ASXL3: variants seen among roughly 807,000 people sequenced by gnomAD.
ASXL3 encodes ASXL transcriptional regulator 3.
In ASXL3, 34 loss-of-function variants were observed where a neutral mutation model predicts 170.6. That is an observed-to-expected ratio of 0.20 (90% CI 0.15 to 0.27). The LOEUF (loss-of-function observed/expected upper bound fraction) is 0.27, where lower values mean the gene tolerates loss of function less well. Among genes scored for constraint, ASXL3 ranks in the 10% least tolerant of loss-of-function variants. The probability of loss-of-function intolerance (pLI) is 1.00; values close to 1 mark genes in which losing one functional copy is unlikely to be tolerated. For synonymous variants in ASXL3, 1,002 were observed against 989.1 expected, an observed-to-expected ratio of 1.01 and a Z score of -0.24; for missense variants, 2,592 against 2,695.3, an observed-to-expected ratio of 0.96 and a Z score of 0.85.
chr18:33,713,247 T>G (rs2067103898), intron 8 of ASXL3, among the ~76,000 whole-genome samples: 1 of 72,210 alleles, frequency 1.4e-5, no homozygotes, highest in Non-Finnish European at 2.5e-5. Flanking sequence ...TGTTTTGTTT[T>G]GTTTTTTTTT....
chr18:33,645,030 A>G, intron 3 of ASXL3, 28 bp downstream of exon 3: 1 of 1,413,350 alleles, frequency 7.1e-7, no homozygotes, highest in Non-Finnish European at 9.7e-7. Context: ...GCATATTGTT[A>G]TTACTATTAT....
At chr18:33,647,797 T>C (rs2065937505) in intron 4 of ASXL3, among the ~76,000 whole-genome samples, 2 of 152,026 alleles carry the variant, frequency 1.3e-5, no homozygotes, top group East Asian at 1.9e-4. Context: ...ATAAGCAAAA[T>C]AAATATCTAA....
rs145786961 is a variant in ASXL3, at chr18:33,597,380, G to A, written c.55-10214G>A. 2.2e-4 allele frequency among the ~76,000 whole-genome samples: 34 copies of A among 152,130 alleles called. No individual in the cohort carries two copies. The East Asian group carries it at 6.2e-3, about 28-fold the overall frequency. On this transcript the variant is annotated intron_variant, in intron 1 of 11. Transcript: ENST00000269197. ...TTCTCATGGACATCCTCCCATGTCA[G>A]TACATATTTTCTTATTTCTTACCTT...
chr18:33,664,828 A>T (rs2066232824), intron 5 of ASXL3, among the ~76,000 whole-genome samples: 1 of 152,196 alleles, frequency 6.6e-6, no homozygotes, highest in Non-Finnish European at 1.5e-5. Context: ...TTGACGATTG[A>T]CATGGAATAT....
chr18:33,738,665 A>G lies in ASXL3; in HGVS notation c.1261A>G (p.Thr421Ala). ...PASPEPGFCA[T>A]LCPMVEIPPK... ...TTCTCCAGAGCCTGGTTTCTGTGCT[A>G]CTCTTTGCCCTATGGTAGAAATTCC... The change falls in exon 11 of 12, where the codon ACT becomes GCT. Residue 421 changes from threonine to alanine, a missense_variant. By Grantham distance (58) the Thr-to-Ala change is moderately conservative. Coordinates refer to ENST00000269197, the MANE Select transcript of ASXL3 (RefSeq NM_030632.3). 1 of 1,613,874 alleles carries G rather than the reference A, an allele frequency of 6.2e-7. No individual in the cohort carries two copies. Among genetic ancestry groups the G allele is most frequent in the Non-Finnish European group, 8.5e-7 (1 of 1,179,852 alleles).
rs184004504 is a variant in ASXL3 at position 33,647,182 on chromosome 18, C to T, written c.355+829C>T. On this transcript the variant is annotated intron_variant, in intron 4 of 11. Coordinates refer to ENST00000269197, the MANE Select transcript of ASXL3 (RefSeq NM_030632.3). ...GGATGTTTGCAGAAATATTGTATTT[C>T]AGTAATAACCCAAAGTCATTCATTT... Among the ~76,000 whole-genome samples the T allele has an allele frequency of 1.1e-4, 16 of 152,098 alleles. No individual in the cohort carries two copies. The East Asian group carries it at 2.3e-3, about 22-fold the overall frequency.
intron 8 of ASXL3, among the ~76,000 whole-genome samples, chr18:33,727,474 A>G (rs2067370948): frequency 6.6e-6 from 1 of 152,152 alleles, no homozygotes; most frequent in Non-Finnish European, 1.5e-5. Context: ...CCAAAGACAA[A>G]TGATATACTT....
chr18:33,708,650 C>G (rs73955183), intron 8 of ASXL3, among the ~76,000 whole-genome samples: 3,356 of 152,222 alleles, frequency 0.022, 62 homozygotes, highest in South Asian at 0.1. Flanking sequence ...CCTCTACCTA[C>G]TAGACATAAC....
intron 5 of ASXL3, among the ~76,000 whole-genome samples, chr18:33,664,471 C>A (rs368611281): frequency 6.6e-6 from 1 of 152,156 alleles, no homozygotes; most frequent in African/African-American, 2.4e-5. Flanking sequence ...ATAACACACA[C>A]TCAAATATAT....
In ASXL3 at chr18:33,745,787, C is replaced by T. The variant is rs755298413; in HGVS notation, c.5939C>T (p.Ala1980Val). ...TTGGGAGAGGTTAGTCTTTCCTCAG[C>T]ACCTCACCAGCTAAGGTTAGCCAAC... Reference protein sequence around the residue: ...KGLGEVSLSSAPHQLRLANML... With the variant: ...KGLGEVSLSSVPHQLRLANML... The change falls in exon 12 of 12, where the codon GCA becomes GTA. Residue 1980 changes from alanine (A) to valine (V), a missense_variant. Physicochemically the swap from Ala to Val is moderately conservative, Grantham distance 64. This residue lies in a region of ASXL3 where 2,246 missense variants were observed against 2,219.6 expected (regional missense o/e 1.01). Transcript: ENST00000269197. The T allele has an allele frequency of 4.3e-6, 7 of 1,613,860 alleles. No individual in the cohort carries two copies. The highest frequency in any genetic ancestry group is 4.0e-5 in the African/African-American group (3 of 74,906).
At chr18:33,638,833 A>G (rs1489089892) in intron 2 of ASXL3, among the ~76,000 whole-genome samples, 2 of 152,062 alleles carry the variant, frequency 1.3e-5, no homozygotes, top group Admixed American at 1.3e-4. Context: ...GATGCTCAAT[A>G]AATGGTAGCT....
At chr18:33,706,664 A>AT (rs886450617) in intron 8 of ASXL3, among the ~76,000 whole-genome samples, 132 of 151,372 alleles carry the variant, frequency 8.7e-4, no homozygotes, top group South Asian at 1.0e-3. Context: ...TCTTTAGTGT[A>AT]TTTTTTTTAT....
At chr18:33,730,985 C>A (rs1343907107) in intron 8 of ASXL3, among the ~76,000 whole-genome samples, 1 of 152,140 alleles carries the variant, frequency 6.6e-6, no homozygotes, top group African/African-American at 2.4e-5. Flanking sequence ...ACAGCGTCAA[C>A]AATAAGCTTA....
chr18:33,578,847 C>T (rs1041186509), intron 1 of ASXL3, 162 bp downstream of exon 1: 12 of 348,196 alleles, frequency 3.4e-5, no homozygotes, highest in Non-Finnish European at 5.2e-5. Context: ...CGCCCGGGGG[C>T]CCCTGTGTGT....
intron 1 of ASXL3, among the ~76,000 whole-genome samples, chr18:33,589,670 T>C (rs1468615531): frequency 1.3e-5 from 2 of 152,230 alleles, no homozygotes; most frequent in Admixed American, 1.3e-4. Context: ...TAGTAAACTA[T>C]TCTTAAACTT....
chr18:33,718,036 C>T (rs988258746), intron 8 of ASXL3, among the ~76,000 whole-genome samples: 1 of 152,028 alleles, frequency 6.6e-6, no homozygotes, highest in Non-Finnish European at 1.5e-5. Context: ...CTATATGTTC[C>T]TTATAAAATC....
In ASXL3 at chr18:33,744,648, G is replaced by T; in HGVS notation, c.4800G>T (p.Gln1600His). ...KSEADTTCSN[Q>H]YNPSNRICWN... ...AAGCAGACACAACCTGTAGCAATCA[G>T]TATAACCCAAGTAACCGGATTTGCT... Residue 1600 changes from glutamine to histidine, a missense_variant, in exon 12 of 12, where the codon CAG becomes CAT. By Grantham distance (24) the Gln-to-His change is conservative. Coordinates refer to ENST00000269197, the MANE Select transcript of ASXL3 (RefSeq NM_030632.3). 1 of 1,606,664 alleles carries T rather than the reference G, an allele frequency of 6.2e-7. No homozygotes were observed. The highest frequency in any genetic ancestry group is 8.5e-7 in the Non-Finnish European group (1 of 1,176,040).
chr18:33,709,531 A>T (rs1273602772), intron 8 of ASXL3, among the ~76,000 whole-genome samples: 1 of 152,216 alleles, frequency 6.6e-6, no homozygotes, highest in East Asian at 1.9e-4. Context: ...CCCAATACAA[A>T]AGTGTATGTA....
At chr18:33,710,130 C>T (rs2067031012) in intron 8 of ASXL3, among the ~76,000 whole-genome samples, 1 of 152,188 alleles carries the variant, frequency 6.6e-6, no homozygotes, top group South Asian at 2.1e-4. Flanking sequence ...GTGGCACATG[C>T]CTGTAATCCC....
Sources: allele counts gnomAD v4.1 joint callset (sites outside exome capture counted in the v4.1 genomes callset), GRCh38; gene constraint gnomAD v4.1.1; regional missense constraint gnomAD v4.1.1; transcripts MANE v1.5; gene names NCBI Gene and HGNC (gene_info 2026-07-23, HGNC 2026-07-21).